The following NBAS variants were observed in gnomAD, a reference collection of about 807,000 sequenced individuals.
NBAS encodes NBAS subunit of NRZ tethering complex, also known as NAG/BC035112 fusion.
In NBAS, 219 loss-of-function variants were observed where a neutral mutation model predicts 302.5. The observed-to-expected ratio is 0.72, with a 90% CI of 0.65 to 0.81. The LOEUF is 0.81. Among genes scored for constraint, NBAS ranks in the 30% least tolerant of loss-of-function variants. NBAS has a pLI of 0.00. For missense variants in NBAS, 2,932 were observed against 2,841.6 expected (o/e 1.03, Z -0.72); for synonymous variants, 1,118 against 1,021.6 (o/e 1.09, Z -1.80).
At chr2:15,116,962 T>G in the NBAS span, among the ~76,000 whole-genome samples, 1 of 152,112 alleles carries the variant, frequency 6.6e-6, no homozygotes, top group South Asian at 2.1e-4. Flanking sequence ...TTTCTCTTTC[T>G]CTCTCTCATT....
the NBAS span, among the ~76,000 whole-genome samples, chr2:14,867,392 T>C: frequency 1.3e-5 from 2 of 152,166 alleles, no homozygotes; most frequent in Non-Finnish European, 2.9e-5. Flanking sequence ...GTCAGCCTTC[T>C]CTTGGGGTAA....
At chr2:14,920,910 T>TTTTTTTAATC in the NBAS span, among the ~76,000 whole-genome samples, 1 of 152,132 alleles carries the variant, frequency 6.6e-6, no homozygotes, top group African/African-American at 2.4e-5. Context: ...TCACTTTTTT[T>TTTTTTTAATC]TTTTTTAATC....
chr2:15,185,843 T>C (rs1390014492), intron 50 of NBAS, among the ~76,000 whole-genome samples: 1 of 152,192 alleles, frequency 6.6e-6, no homozygotes, highest in East Asian at 1.9e-4. Flanking sequence ...TGAGAATATT[T>C]TCCTTGAGTG....
the NBAS span, among the ~76,000 whole-genome samples, chr2:14,978,963 T>TAC: frequency 1.3e-5 from 2 of 152,176 alleles, no homozygotes; most frequent in African/African-American, 4.8e-5. Context: ...GAATAGAAGT[T>TAC]TCACTGGAGG....
chr2:15,159,772 T>G, the NBAS span, among the ~76,000 whole-genome samples: 2 of 148,692 alleles, frequency 1.3e-5, no homozygotes, highest in South Asian at 4.4e-4. Context: ...ATGTTATGCA[T>G]TTTTTACCAG....
chr2:15,221,408 A>G (rs1367543233), intron 47 of NBAS, among the ~76,000 whole-genome samples: 6 of 152,228 alleles, frequency 3.9e-5, no homozygotes, highest in African/African-American at 7.2e-5. Flanking sequence ...AATAGTAACC[A>G]CCATTGTCAT....
chr2:15,286,935 A>G (rs574921371), intron 42 of NBAS, 138 bp downstream of exon 42: 45 of 682,618 alleles, frequency 6.6e-5, no homozygotes, highest in Non-Finnish European at 9.5e-5. Context: ...ATGTATAAGG[A>G]AAGAACTTAC....
the NBAS span, among the ~76,000 whole-genome samples, chr2:14,856,016 G>A: frequency 6.6e-6 from 1 of 152,182 alleles, no homozygotes; most frequent in Non-Finnish European, 1.5e-5. Context: ...CATAGTTGCG[G>A]TGGCCATAGA....
chr2:14,922,111 T>C, the NBAS span, among the ~76,000 whole-genome samples: 11 of 152,296 alleles, frequency 7.2e-5, no homozygotes, highest in African/African-American at 2.6e-4. Flanking sequence ...TTTCACCAGC[T>C]TGAAAAGCCT....
chr2:15,310,956 C>A (rs1285147157), intron 38 of NBAS, among the ~76,000 whole-genome samples: 3 of 152,290 alleles, frequency 2.0e-5, no homozygotes, highest in East Asian at 1.9e-4. Flanking sequence ...CTCTTGCCTA[C>A]AAAATCCAAC....
At chr2:15,098,519 T>TATA in the NBAS span, among the ~76,000 whole-genome samples, 1,212 of 47,512 alleles carry the variant, frequency 0.026, 5 homozygotes, top group African/African-American at 0.062. Flanking sequence ...ATATATTGTA[T>TATA]ATATGTTATA....
Position 15,427,112 on chromosome 2 carries a change from A to G in NBAS, c.2423+599T>C, listed in dbSNP as rs1919292. 0.51 allele frequency among the ~76,000 whole-genome samples: 76,924 copies of G among 151,878 alleles called. 22,982 individuals carry two copies. The highest frequency in any genetic ancestry group is 0.67 in the Non-Finnish European group (45,836 of 67,930). ...ATATCCAGTAATCTGAAGGTTTTCT[A>G]GCTCAATTTAGAGGCCCTTTGCCTC... On this transcript the variant is annotated intron_variant, in intron 22 of 51. Transcript: ENST00000281513.
chr2:15,556,600 C>T (rs1664657269), intron 3 of NBAS, among the ~76,000 whole-genome samples, 183 bp downstream of exon 3: 3 of 152,118 alleles, frequency 2.0e-5, no homozygotes, highest in Non-Finnish European at 4.4e-5. Flanking sequence ...AAAAACTACC[C>T]TAAGTCTACT....
At chr2:15,481,736 C>A (rs1289022273) in intron 12 of NBAS, among the ~76,000 whole-genome samples, 1 of 152,166 alleles carries the variant, frequency 6.6e-6, no homozygotes. Context: ...ACTGAAGCAA[C>A]CGAAAGGGCC....
intron 21 of NBAS, among the ~76,000 whole-genome samples, chr2:15,449,043 T>C (rs1448415387): frequency 1.3e-5 from 2 of 152,138 alleles, no homozygotes; most frequent in Admixed American, 1.3e-4. Flanking sequence ...GAGAACTCCA[T>C]GAAAAGGGTA....
At chr2:14,785,162 T>C in the NBAS span, among the ~76,000 whole-genome samples, 1 of 152,204 alleles carries the variant, frequency 6.6e-6, no homozygotes, top group African/African-American at 2.4e-5. Flanking sequence ...TTTTTGTACA[T>C]TGATTTTGTA....
intron 48 of NBAS, among the ~76,000 whole-genome samples, chr2:15,209,410 A>T (rs889759344): frequency 6.6e-6 from 1 of 152,092 alleles, no homozygotes; most frequent in Non-Finnish European, 1.5e-5. Context: ...CAAACAATAG[A>T]GGAGGAGGAA....
chr2:15,026,325 G>A, the NBAS span, among the ~76,000 whole-genome samples: 1 of 44,836 alleles, frequency 2.2e-5, no homozygotes, highest in Middle Eastern at 6.1e-3. Flanking sequence ...GCGCGGTGGC[G>A]GGCGCCTGTA....
the NBAS span, among the ~76,000 whole-genome samples, chr2:14,815,725 C>T: frequency 3.9e-5 from 6 of 152,276 alleles, no homozygotes; most frequent in South Asian, 2.1e-4. Context: ...CAGTGTTCTA[C>T]AGGACATATT....
Sources: gnomAD v4.1 joint callset for allele counts (sites outside exome capture counted in the v4.1 genomes callset) on GRCh38, gnomAD v4.1.1 for gene constraint, MANE v1.5 for transcripts, NCBI Gene and HGNC (gene_info 2026-07-23, HGNC 2026-07-21) for gene names.